The following GBP7 variants were observed in gnomAD, a reference collection of about 807,000 sequenced individuals.
GBP7 encodes the protein guanylate binding protein 7, also known as guanylate-binding protein 7.
In GBP7, 43 loss-of-function variants were observed where a neutral mutation model predicts 61.3. The observed-to-expected ratio is 0.70, with a 90% CI of 0.55 to 0.91. GBP7 has a LOEUF of 0.91. Ranked by LOEUF, GBP7 falls within the 40% of genes least tolerant of loss-of-function variation. The pLI is 0.00. For missense variants in GBP7, 717 were observed against 740.5 expected, an observed-to-expected ratio of 0.97 and a Z score of 0.37; for synonymous variants, 267 against 271.0, an observed-to-expected ratio of 0.99 and a Z score of 0.14.
At position 89,150,413 on chromosome 1, in the gene GBP7, A is replaced by G. The variant is rs747672799; in HGVS notation, c.788T>C (p.Met263Thr). 2 of 1,613,884 alleles carry G rather than the reference A, an allele frequency of 1.2e-6. No individual in the cohort carries two copies. The highest frequency in any genetic ancestry group is 1.3e-5 in the African/African-American group (1 of 74,916). ...REDQLDSNFQ[M>T]QSENFCSYIF... The stretch of plus-strand genomic sequence containing the variant: ...ATAAGAACAGAAATTTTCTGATTGC[A>G]TCTGGAAATTACTATCCAGTTGGTC... Residue 263 changes from methionine (M) to threonine (T), a missense_variant, in exon 6 of 11, where the codon ATG becomes ACG. By Grantham distance (81) the Met-to-Thr change is moderately conservative. This residue lies in a region of GBP7 where 387 missense variants were observed against 385.2 expected (regional missense o/e 1.00). Coordinates refer to ENST00000294671, the MANE Select transcript of GBP7 (RefSeq NM_207398.3).
intron 8 of GBP7, among the ~76,000 whole-genome samples, chr1:89,144,844 C>T (rs1242137909): frequency 6.6e-6 from 1 of 152,020 alleles, no homozygotes; most frequent in Non-Finnish European, 1.5e-5. Context: ...AGAACTTACT[C>T]ATCTTATAAC....
In GBP7 at chr1:89,152,405, A is replaced by G. The variant is rs1682224381; in HGVS notation, c.488T>C (p.Val163Ala). The change falls in exon 5 of 11, where the codon GTT becomes GCT. Residue 163 changes from valine to alanine, a missense_variant. Val to Ala is a moderately conservative substitution (Grantham distance 64). Around this residue, in one of 3 missense-constraint regions of GBP7, gnomAD observed 387 missense variants for 385.2 expected, o/e 1.00. Transcript: ENST00000294671. ...ACTCACAAACTCGCTGGAGTCCTCA[A>G]CTTCATCAGGTCTGGGGCACGATTT... ...RAKSCPRPDE[V>A]EDSSEFVSFF... The G allele has an allele frequency of 6.2e-7, 1 of 1,614,040 alleles. No homozygotes were observed. The highest frequency in any genetic ancestry group is 1.1e-5 in the South Asian group (1 of 91,080).
chr1:89,172,769 TTTTCAGCCACTAC>T (rs1384848880), intron 1 of GBP7, among the ~76,000 whole-genome samples: 2 of 151,878 alleles, frequency 1.3e-5, no homozygotes, highest in Admixed American at 1.3e-4. Flanking sequence ...ACTTTTTTTT[TTTTCAGCCACTAC>T]TTTTAGTTTT....
In GBP7 at chr1:89,150,448, T is replaced by C; in HGVS notation, c.753A>G (p.Glu251=). The C allele has an allele frequency of 1.9e-6, 3 of 1,614,174 alleles. No individual in the cohort carries two copies. Among genetic ancestry groups the C allele is most frequent in the Non-Finnish European group, 2.5e-6 (3 of 1,180,002 alleles). The stretch of plus-strand genomic sequence containing the variant: ...TACTATCCAGTTGGTCTTCTCGTAC[T>C]TCTTCAACATGGAGTAAGAGTTTTT... ...NDKKLLLHVE[E]VREDQLDSNF... The change falls in exon 6 of 11, where the codon GAA becomes GAG. Residue 251 remains glutamate (E), a synonymous_variant. Coordinates refer to ENST00000294671, the MANE Select transcript of GBP7 (RefSeq NM_207398.3).
intron 3 of GBP7, among the ~76,000 whole-genome samples, chr1:89,156,376 G>A (rs1029295965): frequency 6.6e-6 from 1 of 152,090 alleles, no homozygotes; most frequent in Non-Finnish European, 1.5e-5. Context: ...ATGTAAATGG[G>A]CTAAATGCTC....
chr1:89,142,787 T>G (rs1456888997), intron 8 of GBP7, among the ~76,000 whole-genome samples: 1 of 2,354 alleles, frequency 4.2e-4, no homozygotes, highest in Non-Finnish European at 6.3e-4. Context: ...GTTCCCTTCT[T>G]TCAAAAAAAA....
chr1:89,167,973 G>A (rs144933755), intron 2 of GBP7, among the ~76,000 whole-genome samples: 108 of 152,170 alleles, frequency 7.1e-4, no homozygotes, highest in African/African-American at 2.4e-3. Context: ...CTATATTTAT[G>A]GTCCATCTCA....
intron 3 of GBP7, among the ~76,000 whole-genome samples, chr1:89,158,537 A>G (rs555827454): frequency 9.2e-5 from 14 of 152,334 alleles, no homozygotes; most frequent in African/African-American, 3.4e-4. Context: ...TCAATGTACA[A>G]AAATCACAAG....
chr1:89,146,826 G>A (rs1488581292), intron 8 of GBP7, among the ~76,000 whole-genome samples: 3 of 152,168 alleles, frequency 2.0e-5, no homozygotes, highest in Non-Finnish European at 4.4e-5. Context: ...GGAACCCTTA[G>A]ACACCGTTGG....
chr1:89,170,125 A>T (rs1647557258), intron 2 of GBP7, among the ~76,000 whole-genome samples: 2 of 152,182 alleles, frequency 1.3e-5, no homozygotes, highest in Non-Finnish European at 2.9e-5. Flanking sequence ...AATTTAACCA[A>T]GTTATGAGAT....
chr1:89,164,331 A>G lies in GBP7; in HGVS notation c.318+400T>C, dbSNP rs372009078. ...AGGAAGCTTTCTCCTAAATTGTATC[A>G]TTAGGTTAGGCCCTCACTTTCAGCA... On this transcript the variant is annotated intron_variant, in intron 3 of 10. Coordinates refer to ENST00000294671, the MANE Select transcript of GBP7 (RefSeq NM_207398.3). Among the ~76,000 whole-genome samples the G allele has an allele frequency of 3.7e-4, 56 of 152,288 alleles. 6 individuals are homozygous for G. Among genetic ancestry groups the G allele is most frequent in the Admixed American group, 9.2e-4 (14 of 15,286 alleles).
intron 9 of GBP7, among the ~76,000 whole-genome samples, chr1:89,135,370 G>A (rs1356207879): frequency 6.6e-6 from 1 of 152,040 alleles, no homozygotes; most frequent in Non-Finnish European, 1.5e-5. Flanking sequence ...TATACAAGAT[G>A]ACCATCCCCA....
chr1:89,156,623 A>G (rs528450750), intron 3 of GBP7, among the ~76,000 whole-genome samples: 7 of 152,346 alleles, frequency 4.6e-5, no homozygotes, highest in Non-Finnish European at 7.3e-5. Context: ...CCATTACATA[A>G]TGATAAAGGG....
rs1430196405 is a variant in GBP7 at position 89,171,856 on chromosome 1, GCTT to G, written c.77_79del (p.Glu26del). The G allele has an allele frequency of 6.2e-7, 1 of 1,613,686 alleles. No individual in the cohort carries two copies. The highest frequency in any genetic ancestry group is 1.3e-5 in the African/African-American group (1 of 74,828). ...TGTAATGGCAGACAGGATTTCCAGA[GCTT>G]CTGAATTCACCACCAGATGCCCTTT... On this transcript the variant is annotated inframe_deletion, in exon 2 of 11. Coordinates refer to ENST00000294671, the MANE Select transcript of GBP7 (RefSeq NM_207398.3).
intron 3 of GBP7, among the ~76,000 whole-genome samples, chr1:89,153,657 G>A (rs751028417): frequency 3.9e-5 from 6 of 152,178 alleles, no homozygotes; most frequent in Non-Finnish European, 8.8e-5. Flanking sequence ...GTGGCAGATA[G>A]CATTGTCAAC....
intron 9 of GBP7, among the ~76,000 whole-genome samples, chr1:89,138,663 A>G (rs1681867113): frequency 6.6e-6 from 1 of 152,076 alleles, no homozygotes; most frequent in South Asian, 2.1e-4. Flanking sequence ...TCTTCTCACT[A>G]TATACAAAAA....
chr1:89,135,881 G>C (rs921209542), intron 9 of GBP7, among the ~76,000 whole-genome samples: 1 of 152,110 alleles, frequency 6.6e-6, no homozygotes, highest in African/African-American at 2.4e-5. Flanking sequence ...GTTGCATAAA[G>C]AAATAAGACC....
At chr1:89,147,439 A>G in intron 8 of GBP7, 128 bp downstream of exon 8, 1 of 697,498 alleles carries the variant, frequency 1.4e-6, no homozygotes, top group East Asian at 2.5e-5. Context: ...AAGATTTAAA[A>G]TATCAAGGTA....
chr1:89,164,534 TAAG>T (rs1331166429), intron 3 of GBP7, among the ~76,000 whole-genome samples, 194 bp downstream of exon 3: 4 of 152,186 alleles, frequency 2.6e-5, no homozygotes, highest in African/African-American at 7.2e-5. Flanking sequence ...CTGTTAAAAA[TAAG>T]AAGATGTATC....
Sources: gnomAD v4.1 joint callset for allele counts (sites outside exome capture counted in the v4.1 genomes callset) on GRCh38, gnomAD v4.1.1 for gene constraint, gnomAD v4.1.1 regional missense constraint, MANE v1.5 for transcripts, NCBI Gene and HGNC (gene_info 2026-07-23, HGNC 2026-07-21) for gene names.